The following TM9SF2 variants were observed in gnomAD, a reference collection of about 807,000 sequenced individuals.
TM9SF2 encodes the protein 76 kDa membrane protein.
TM9SF2 carries 13 observed loss-of-function variants against 84.9 expected under a neutral mutation model. The ratio of observed to expected loss-of-function variants is 0.15; its 90% CI spans 0.10 to 0.24. The LOEUF is 0.24. TM9SF2 is among the 10% of genes least tolerant of loss of function. The pLI is 1.00. For synonymous variants in TM9SF2, 273 were observed against 285.8 expected (o/e 0.96, Z 0.45); for missense variants, 562 against 818.5 (o/e 0.69, Z 3.82).
intron 12 of TM9SF2, among the ~76,000 whole-genome samples, chr13:99,551,405 T>A (rs138249011): frequency 6.6e-6 from 1 of 152,322 alleles, no homozygotes; most frequent in East Asian, 1.9e-4. Context: ...CAGCTGATTC[T>A]CTTCATGAAG....
intron 2 of TM9SF2, 148 bp downstream of exon 2, chr13:99,517,829 CTTT>C: frequency 6.9e-6 from 2 of 291,910 alleles, no homozygotes; most frequent in Non-Finnish European, 1.3e-5. Flanking sequence ...AAAATGTGAT[CTTT>C]TTTTTAATGT....
chr13:99,546,952 A>T, intron 10 of TM9SF2, 33 bp from the exon 11 acceptor site: 3 of 1,613,774 alleles, frequency 1.9e-6, no homozygotes, highest in Non-Finnish European at 1.7e-6. Context: ...ACAGAGTAAT[A>T]ACATGTACAG....
chr13:99,515,763 C>G (rs1364874754), intron 1 of TM9SF2, among the ~76,000 whole-genome samples: 1 of 132,942 alleles, frequency 7.5e-6, no homozygotes, highest in East Asian at 2.1e-4. Context: ...AACGGAGTTT[C>G]GCTCTGTTGC....
chr13:99,531,166 T>C (rs923203807), intron 4 of TM9SF2, among the ~76,000 whole-genome samples: 1 of 152,138 alleles, frequency 6.6e-6, no homozygotes, highest in African/African-American at 2.4e-5. Flanking sequence ...CGGTCAAACA[T>C]AGAATATTTT....
intron 9 of TM9SF2, among the ~76,000 whole-genome samples, chr13:99,542,149 C>CA (rs111678997): frequency 0.19 from 21,002 of 113,004 alleles, 2,024 homozygotes; most frequent in East Asian, 0.51. Context: ...GACTCTGTCT[C>CA]AAAAAAAAAA....
intron 2 of TM9SF2, among the ~76,000 whole-genome samples, chr13:99,518,017 C>G (rs76121272): frequency 0.019 from 2,951 of 152,268 alleles, 90 homozygotes; most frequent in African/African-American, 0.066. Context: ...ACTTTGATGT[C>G]TACCTCCACA....
chr13:99,510,152 T>C (rs866992409), intron 1 of TM9SF2, among the ~76,000 whole-genome samples: 15 of 152,334 alleles, frequency 9.8e-5, no homozygotes, highest in Middle Eastern at 3.4e-3. Flanking sequence ...AAGTTCCCAG[T>C]AACCTTCTCA....
At chr13:99,551,376 T>A (rs1056819135) in intron 12 of TM9SF2, among the ~76,000 whole-genome samples, 3 of 152,204 alleles carry the variant, frequency 2.0e-5, no homozygotes, top group African/African-American at 7.2e-5. Flanking sequence ...GAGGAACTGT[T>A]AGATAAGTGA....
At chr13:99,514,482 T>C (rs939536091) in intron 1 of TM9SF2, among the ~76,000 whole-genome samples, 2 of 152,214 alleles carry the variant, frequency 1.3e-5, no homozygotes, top group Non-Finnish European at 2.9e-5. Context: ...GACCACACCA[T>C]ATATATACCC....
At chr13:99,537,662 A>G in intron 5 of TM9SF2, 77 bp from the exon 6 acceptor site, 1 of 1,164,196 alleles carries the variant, frequency 8.6e-7, no homozygotes, top group Non-Finnish European at 1.2e-6. Context: ...TACTTGTTGT[A>G]GCCCATTTTA....
chr13:99,553,654 A>G (rs1289469918), intron 13 of TM9SF2, among the ~76,000 whole-genome samples: 1 of 152,204 alleles, frequency 6.6e-6, no homozygotes, highest in Non-Finnish European at 1.5e-5. Flanking sequence ...ATAGAAGGAT[A>G]TTTTTGAACT....
chr13:99,519,920 C>T (rs2046151952), intron 2 of TM9SF2, 116 bp from the exon 3 acceptor site: 2 of 764,854 alleles, frequency 2.6e-6, no homozygotes, highest in South Asian at 2.0e-5. Context: ...AGATTTCTTA[C>T]TCATCTACTA....
chr13:99,536,289 A>G (rs1431673806), intron 4 of TM9SF2, among the ~76,000 whole-genome samples: 1 of 151,028 alleles, frequency 6.6e-6, no homozygotes, highest in African/African-American at 2.4e-5. Flanking sequence ...AAAGGTACGA[A>G]GTTTTTTTTG....
chr13:99,512,329 T>C (rs2046116970), intron 1 of TM9SF2, among the ~76,000 whole-genome samples: 1 of 152,224 alleles, frequency 6.6e-6, no homozygotes, highest in Non-Finnish European at 1.5e-5. Context: ...AAATTATTAC[T>C]TGCCCAAGAG....
At chr13:99,557,142 C>A (rs1022051221) in intron 15 of TM9SF2, among the ~76,000 whole-genome samples, 2 of 152,108 alleles carry the variant, frequency 1.3e-5, no homozygotes, top group Admixed American at 1.3e-4. Context: ...TTTTACATTC[C>A]CACCAGCAGT....
At chr13:99,540,648 T>TC in intron 7 of TM9SF2, 66 bp from the exon 8 acceptor site, 1 of 1,179,372 alleles carries the variant, frequency 8.5e-7, no homozygotes, top group South Asian at 1.5e-5. Context: ...TTGAATGGGA[T>TC]TTTTTTTTGT....
intron 1 of TM9SF2, among the ~76,000 whole-genome samples, chr13:99,509,009 A>G (rs1270906941): frequency 6.6e-6 from 1 of 152,202 alleles, no homozygotes; most frequent in African/African-American, 2.4e-5. Context: ...TGCAGCATTA[A>G]TTCAAAAGTC....
chr13:99,513,678 G>C (rs752596810), intron 1 of TM9SF2, among the ~76,000 whole-genome samples: 6 of 152,158 alleles, frequency 3.9e-5, no homozygotes, highest in Non-Finnish European at 8.8e-5. Flanking sequence ...CCAGCTTACT[G>C]CTTGTTTTTA....
rs1045984127 is a variant in TM9SF2 at position 99,515,920 on chromosome 13, C to A, written c.172-1694C>A. Among the ~76,000 whole-genome samples the A allele has an allele frequency of 1.3e-4, 19 of 151,922 alleles. 1 individual carries two copies. Among genetic ancestry groups the A allele is most frequent in the Admixed American group, 8.5e-4 (13 of 15,258 alleles). On this transcript the variant is annotated intron_variant, in intron 1 of 16. Transcript: ENST00000376387. ...GCTAATTTTGTATTTTTAGTAGAAA[C>A]GGGGTTTCGCCATGTTGACCAGGCT...
Sources: allele counts gnomAD v4.1 joint callset (sites outside exome capture counted in the v4.1 genomes callset), GRCh38; gene constraint gnomAD v4.1.1; transcripts MANE v1.5; gene names NCBI Gene and HGNC (gene_info 2026-07-23, HGNC 2026-07-21).